Variants in VEZT observed in about 807,000 individuals in gnomAD.
VEZT encodes vezatin, adherens junctions transmembrane protein.
Under a neutral mutation model 79.9 loss-of-function variants are expected in VEZT, and 39 were observed. The ratio of observed to expected loss-of-function variants is 0.49; its 90% CI spans 0.38 to 0.64. The LOEUF (loss-of-function observed/expected upper bound fraction) is 0.64, where lower values mean the gene tolerates loss of function less well. Among genes scored for constraint, VEZT ranks in the 30% least tolerant of loss-of-function variants. The pLI is 0.00. For missense variants in VEZT, 837 were observed against 893.1 expected (o/e 0.94, Z 0.80); for synonymous variants, 325 against 327.6 (o/e 0.99, Z 0.09).
chr12:95,289,089 A>AAAT (rs1555292133), intron 9 of VEZT, among the ~76,000 whole-genome samples: 7,411 of 101,492 alleles, frequency 0.073, 254 homozygotes, highest in South Asian at 0.15. Context: ...CTCAAAAAAA[A>AAAT]AAATAAATAA....
chr12:95,276,791 T>C (rs1352553779), intron 7 of VEZT, among the ~76,000 whole-genome samples: 1 of 152,212 alleles, frequency 6.6e-6, no homozygotes, highest in Admixed American at 6.5e-5. Flanking sequence ...ATAAATGTTC[T>C]AATAATCTTG....
At position 95,300,577 on chromosome 12, in the gene VEZT, A is replaced by T; in HGVS notation, c.2244A>T (p.Arg748Ser). The change falls in exon 12 of 12, where the codon AGA becomes AGT. Residue 748 changes from arginine (R) to serine (S), a missense_variant. Physicochemically the swap from Arg to Ser is moderately radical, Grantham distance 110. Transcript: ENST00000436874. The part of the protein sequence containing the change: ...TAGLAAEVAA[R>S]SLSFTTMQEQ... ...GCCTTGCTGCAGAAGTGGCTGCTAG[A>T]TCTCTCTCCTTTACCACCATGCAGG... 1 of 1,613,948 alleles carries T rather than the reference A, an allele frequency of 6.2e-7. No individual in the cohort carries two copies. Among genetic ancestry groups the T allele is most frequent in the Non-Finnish European group, 8.5e-7 (1 of 1,179,894 alleles).
intron 7 of VEZT, among the ~76,000 whole-genome samples, chr12:95,279,955 G>A (rs2068636267): frequency 6.6e-6 from 1 of 152,062 alleles, no homozygotes; most frequent in Non-Finnish European, 1.5e-5. Context: ...CCAACATGCT[G>A]GAATCATCCT....
intron 10 of VEZT, among the ~76,000 whole-genome samples, chr12:95,295,370 C>T (rs898974914): frequency 6.6e-6 from 1 of 152,168 alleles, no homozygotes; most frequent in African/African-American, 2.4e-5. Flanking sequence ...CCATCTTGGC[C>T]AGGCTGGTCT....
intron 3 of VEZT, among the ~76,000 whole-genome samples, chr12:95,259,065 C>T (rs190006362): frequency 7.9e-5 from 12 of 152,290 alleles, no homozygotes; most frequent in African/African-American, 2.9e-4. Flanking sequence ...TAATTTGGCC[C>T]TAACCTACCT....
intron 7 of VEZT, among the ~76,000 whole-genome samples, chr12:95,280,396 A>AGAGACCTCCCCAGCCAGCCCCTTCTC (rs1281713803): frequency 7.2e-5 from 11 of 151,800 alleles, no homozygotes; most frequent in African/African-American, 2.2e-4. Context: ...TGACACTTTT[A>AGAGACCTCCCCAGCCAGCCCCTTCTC]GAGACCTCCC....
Position 95,227,530 on chromosome 12 carries a change from G to A in VEZT, c.36+9644G>A, listed in dbSNP as rs1325752717. ...TAATTTTTGTATTTTTAGTAGAGAT[G>A]GGGTTTCGCCATGTTGGCCAGGCTT... On this transcript the variant is annotated intron_variant, in intron 1 of 11. Coordinates refer to ENST00000436874, the MANE Select transcript of VEZT (RefSeq NM_017599.4). 5.3e-5 allele frequency among the ~76,000 whole-genome samples: 8 copies of A among 152,124 alleles called. No individual in the cohort carries two copies. In the South Asian group the frequency reaches 6.2e-4, roughly 12 times the overall value.
rs2071339014 is a variant in VEZT, at chr12:95,287,651, C to G, written c.1329-13C>G. On this transcript the variant is annotated splice_polypyrimidine_tract_variant and intron_variant, in intron 8 of 11. Transcript: ENST00000436874. Reference sequence around the variant, plus strand: ...ATTATAGAAATCTGTTTCTGTTTTTCTTTATGACTCAGGGTAATAATTCTT... The same window carrying G: ...ATTATAGAAATCTGTTTCTGTTTTTGTTTATGACTCAGGGTAATAATTCTT... 4 of 1,493,814 alleles carry G rather than the reference C, an allele frequency of 2.7e-6. No individual in the cohort carries two copies. The South Asian group carries it at 5.6e-5, about 21-fold the overall frequency. The allele number at this position is 1,493,814 out of a possible 1,614,324, so 92.5% of individuals were successfully genotyped here. A position where few individuals can be genotyped will look rare whatever the true frequency, so the allele number is the denominator to read the frequency against.
rs2063609271 is a variant in VEZT at position 95,257,233 on chromosome 12, C to T, written c.252C>T (p.His84=). ...GCAATAAGAAAGATGACTTACTTCA[C>T]AAGTTGGTAAGTGGTCACTTCTTTT... ...SQCNKKDDLL[H]KLDIGFRLDS... Residue 84 remains histidine, a synonymous_variant, in exon 3 of 12, where the codon CAC becomes CAT. Transcript: ENST00000436874. 1 of 1,606,312 alleles carries T rather than the reference C, an allele frequency of 6.2e-7. No individual in the cohort carries two copies. The highest frequency in any genetic ancestry group is 1.1e-5 in the South Asian group (1 of 89,502).
chr12:95,226,193 T>C (rs2058460769), intron 1 of VEZT, among the ~76,000 whole-genome samples: 3 of 151,562 alleles, frequency 2.0e-5, no homozygotes. Context: ...TCTTACACCA[T>C]ACACCTACTT....
intron 11 of VEZT, chr12:95,299,317 C>T (rs940305619): frequency 6.5e-6 from 1 of 154,516 alleles, no homozygotes; most frequent in African/African-American, 2.4e-5. Context: ...TGTACTAACC[C>T]CTCATGCTGG....
intron 10 of VEZT, among the ~76,000 whole-genome samples, 162 bp from the exon 11 acceptor site, chr12:95,295,889 G>C (rs1360597671): frequency 1.3e-5 from 2 of 151,998 alleles, no homozygotes; most frequent in Non-Finnish European, 2.9e-5. Flanking sequence ...TTATCCATAG[G>C]TATATATTTG....
intron 1 of VEZT, among the ~76,000 whole-genome samples, chr12:95,221,925 T>C (rs2057669227): frequency 6.6e-6 from 1 of 152,158 alleles, no homozygotes; most frequent in South Asian, 2.1e-4. Flanking sequence ...AGTGTTCACA[T>C]TGTATTAGGT....
chr12:95,284,572 G>A (rs900927603), intron 8 of VEZT, among the ~76,000 whole-genome samples: 2 of 152,116 alleles, frequency 1.3e-5, no homozygotes, highest in Non-Finnish European at 2.9e-5. Flanking sequence ...ACTATAGAAG[G>A]GTTTGTCATA....
At chr12:95,224,392 G>A (rs2058107068) in intron 1 of VEZT, among the ~76,000 whole-genome samples, 1 of 151,042 alleles carries the variant, frequency 6.6e-6, no homozygotes, top group South Asian at 2.1e-4. Flanking sequence ...ATAACTCACT[G>A]CAGCCTCCAA....
intron 8 of VEZT, among the ~76,000 whole-genome samples, chr12:95,284,964 T>C (rs1005184001): frequency 2.0e-5 from 3 of 151,794 alleles, no homozygotes; most frequent in African/African-American, 7.3e-5. Context: ...CAGGCGCCTG[T>C]AGTCCCAGTT....
At chr12:95,266,300 A>G (rs1176895017) in intron 4 of VEZT, 57 bp from the exon 5 acceptor site, 2 of 1,515,908 alleles carry the variant, frequency 1.3e-6, no homozygotes, top group Admixed American at 2.1e-5. Context: ...GATTAAAGTA[A>G]TTCATCTTTC....
At chr12:95,273,477 A>G (rs951792888) in intron 6 of VEZT, among the ~76,000 whole-genome samples, 19 of 152,242 alleles carry the variant, frequency 1.2e-4, no homozygotes, top group Admixed American at 2.6e-4. Context: ...TGGATAGTGG[A>G]ACTACATGGC....
chr12:95,260,737 G>A (rs550282713), intron 3 of VEZT, among the ~76,000 whole-genome samples: 2 of 152,284 alleles, frequency 1.3e-5, no homozygotes, highest in South Asian at 2.1e-4. Flanking sequence ...CATTGAATAT[G>A]GCTGTGTCTA....
Sources: gnomAD v4.1 joint callset for allele counts (sites outside exome capture counted in the v4.1 genomes callset) on GRCh38, gnomAD v4.1.1 for gene constraint, MANE v1.5 for transcripts, NCBI Gene and HGNC (gene_info 2026-07-23, HGNC 2026-07-21) for gene names.